The following FRMPD2 variants were observed in gnomAD, a reference collection of about 807,000 sequenced individuals.
The protein encoded by FRMPD2 is FERM and PDZ domain-containing protein 2.
Under a neutral mutation model 140.1 loss-of-function variants are expected in FRMPD2, and 96 were observed. The observed-to-expected ratio is 0.69, with a 90% CI of 0.58 to 0.81. FRMPD2 has a LOEUF of 0.81. FRMPD2 is among the 40% of genes least tolerant of loss of function. FRMPD2 has a pLI of 0.00. For missense variants in FRMPD2, 1,240 were observed against 1,447.4 expected (o/e 0.86, Z 2.32); for synonymous variants, 449 against 547.6 (o/e 0.82, Z 2.52).
rs1554790774 is a variant in FRMPD2, at chr10:48,161,622, A to G, written c.3881+1706T>C. ...AACAGCATAAAGATTTCACCTTAAT[A>G]TAAGGAAGAACCTTCTGATCAGTAA... On this transcript the variant is annotated intron_variant, in intron 28 of 28. Transcript: ENST00000374201. Among the ~76,000 whole-genome samples the G allele has an allele frequency of 1.3e-5, 2 of 151,318 alleles. 1 individual carries two copies. The highest frequency in any genetic ancestry group is 1.3e-4 in the Admixed American group (2 of 15,190).
chr10:48,180,442 C>G (rs1349852088), intron 21 of FRMPD2, among the ~76,000 whole-genome samples: 1 of 152,168 alleles, frequency 6.6e-6, no homozygotes, highest in Non-Finnish European at 1.5e-5. Flanking sequence ...AATTCAAGGA[C>G]AAGAATAGGA....
intron 1 of FRMPD2, among the ~76,000 whole-genome samples, chr10:48,270,695 T>C (rs1374746986): frequency 6.6e-6 from 1 of 151,518 alleles, no homozygotes; most frequent in Non-Finnish European, 1.5e-5. Flanking sequence ...TGAATTCACC[T>C]TCCCCCCACC....
At chr10:48,263,382 A>T (rs924289512) in intron 1 of FRMPD2, among the ~76,000 whole-genome samples, 1 of 152,140 alleles carries the variant, frequency 6.6e-6, no homozygotes, top group African/African-American at 2.4e-5. Flanking sequence ...AAAGCAGATT[A>T]TTTGAAAACA....
At chr10:48,255,680 G>A (rs1415050542) in intron 1 of FRMPD2, among the ~76,000 whole-genome samples, 1 of 152,202 alleles carries the variant, frequency 6.6e-6, no homozygotes, top group African/African-American at 2.4e-5. Flanking sequence ...GGCAATGCAT[G>A]ATAACAAGCT....
At chr10:48,267,063 G>C (rs547644679) in intron 1 of FRMPD2, among the ~76,000 whole-genome samples, 1 of 152,150 alleles carries the variant, frequency 6.6e-6, no homozygotes, top group African/African-American at 2.4e-5. Flanking sequence ...GAGCCCTTCT[G>C]TCCATACAGT....
chr10:48,226,451 A>C (rs1839722891), intron 10 of FRMPD2, among the ~76,000 whole-genome samples: 1 of 152,224 alleles, frequency 6.6e-6, no homozygotes, highest in African/African-American at 2.4e-5. Flanking sequence ...CTTCTAGGGA[A>C]GTTCTAGATG....
chr10:48,187,455 AC>A (rs1463183625), intron 16 of FRMPD2, among the ~76,000 whole-genome samples, 163 bp from the exon 17 acceptor site: 1 of 151,986 alleles, frequency 6.6e-6, no homozygotes, highest in Admixed American at 6.6e-5. Flanking sequence ...CCTCAGAGGG[AC>A]CCCATCGAGG....
intron 1 of FRMPD2, among the ~76,000 whole-genome samples, chr10:48,256,428 T>C (rs1308450625): frequency 1.3e-5 from 2 of 152,200 alleles, no homozygotes; most frequent in Non-Finnish European, 2.9e-5. Context: ...ACTGACTATA[T>C]AGTGGCTTTT....
intron 28 of FRMPD2, among the ~76,000 whole-genome samples, chr10:48,157,917 C>T (rs1837828202): frequency 6.9e-6 from 1 of 145,604 alleles, no homozygotes; most frequent in Admixed American, 6.8e-5. Flanking sequence ...CCACTGTCCC[C>T]ACCACCTCAA....
chr10:48,239,232 T>C (rs1346792373), intron 7 of FRMPD2, among the ~76,000 whole-genome samples: 1 of 152,246 alleles, frequency 6.6e-6, no homozygotes, highest in Non-Finnish European at 1.5e-5. Flanking sequence ...AATGACCAAC[T>C]CACAGAATCA....
chr10:48,219,370 G>T (rs553419142), intron 12 of FRMPD2, among the ~76,000 whole-genome samples: 2 of 152,146 alleles, frequency 1.3e-5, no homozygotes, highest in Admixed American at 1.3e-4. Flanking sequence ...CCAAGGTAAA[G>T]CCCAGCATGC....
intron 12 of FRMPD2, among the ~76,000 whole-genome samples, chr10:48,218,119 G>C (rs907493840): frequency 3.3e-5 from 5 of 152,074 alleles, no homozygotes; most frequent in African/African-American, 7.2e-5. Flanking sequence ...CTCTGTACTT[G>C]TGCCTCCATG....
At chr10:48,254,621 C>A (rs1840452481) in intron 1 of FRMPD2, among the ~76,000 whole-genome samples, 1 of 152,256 alleles carries the variant, frequency 6.6e-6, no homozygotes, top group African/African-American at 2.4e-5. Flanking sequence ...CCTTGAACGA[C>A]AATACACTTC....
At chr10:48,256,222 C>A (rs1013134072) in intron 1 of FRMPD2, among the ~76,000 whole-genome samples, 14 of 152,284 alleles carry the variant, frequency 9.2e-5, no homozygotes, top group South Asian at 4.1e-4. Context: ...CCTGCCCCCC[C>A]ACCCAGGAAG....
chr10:48,270,795 G>C (rs771543348), intron 1 of FRMPD2, among the ~76,000 whole-genome samples: 4 of 151,544 alleles, frequency 2.6e-5, no homozygotes, highest in African/African-American at 4.9e-5. Context: ...CGACATTTTT[G>C]TCTCCTTCCC....
rs148294746 is a variant in FRMPD2 at position 48,201,214 on chromosome 10, C to A, written c.1954+14G>T. On this transcript the variant is annotated intron_variant, in intron 15 of 28. Coordinates refer to ENST00000374201, the MANE Select transcript of FRMPD2 (RefSeq NM_001018071.4). ...CTTGTCAAAGTGTATATGGAGAATA[C>A]AGCTTCTACTCACCAAATAAAACAT... 6.3e-7 allele frequency: 1 copy of A among 1,584,946 alleles called. No individual in the cohort carries two copies. Among genetic ancestry groups the A allele is most frequent in the Admixed American group, 1.8e-5 (1 of 55,408 alleles).
intron 1 of FRMPD2, among the ~76,000 whole-genome samples, chr10:48,262,962 GA>G (rs148411763): frequency 0.011 from 1,659 of 152,106 alleles, 34 homozygotes; most frequent in African/African-American, 0.038. Context: ...TTCTCTCATG[GA>G]GATTTGGTTC....
chr10:48,162,669 A>G (rs1837971849), intron 28 of FRMPD2, among the ~76,000 whole-genome samples: 1 of 148,334 alleles, frequency 6.7e-6, no homozygotes, highest in Non-Finnish European at 1.5e-5. Context: ...TTCCCTCAGC[A>G]TAGGACTGAG....
At chr10:48,212,402 C>T (rs2131884727) in intron 12 of FRMPD2, among the ~76,000 whole-genome samples, 1 of 152,228 alleles carries the variant, frequency 6.6e-6, no homozygotes, top group South Asian at 2.1e-4. Flanking sequence ...CTGAAGATGG[C>T]ATTGTCATTG....
Sources: allele counts gnomAD v4.1 joint callset (sites outside exome capture counted in the v4.1 genomes callset), GRCh38; gene constraint gnomAD v4.1.1; transcripts MANE v1.5; gene names NCBI Gene and HGNC (gene_info 2026-07-23, HGNC 2026-07-21).